Variants in NEDD1 observed in about 807,000 individuals in gnomAD.
NEDD1 encodes protein NEDD1.
In NEDD1, 33 loss-of-function variants were observed where a neutral mutation model predicts 74.0. The observed-to-expected ratio is 0.45, with a 90% CI of 0.34 to 0.60. The LOEUF (loss-of-function observed/expected upper bound fraction) is 0.60. NEDD1 is among the 20% of genes least tolerant of loss of function. The pLI, the probability that NEDD1 is intolerant of heterozygous loss-of-function variation, is 0.01. For synonymous variants in NEDD1, 250 were observed against 264.4 expected (o/e 0.95, Z 0.53); for missense variants, 746 against 776.5 (o/e 0.96, Z 0.47).
intron 6 of NEDD1, among the ~76,000 whole-genome samples, chr12:96,930,239 TCTCTCA>T (rs1463014416): frequency 2.0e-5 from 3 of 150,924 alleles, no homozygotes; most frequent in African/African-American, 7.4e-5. Context: ...TCTCTCTCTC[TCTCTCA>T]CACTCTCACA....
chr12:96,907,706 G>GT lies in NEDD1; in HGVS notation c.-158dup. The GT allele has an allele frequency of 6.4e-7, 1 of 1,551,066 alleles. No individual in the cohort carries two copies. Among genetic ancestry groups the GT allele is most frequent in the Non-Finnish European group, 8.7e-7 (1 of 1,146,756 alleles). On this transcript the variant is annotated 5_prime_UTR_variant, in exon 2 of 16. Coordinates refer to ENST00000266742, the MANE Select transcript of NEDD1 (RefSeq NM_152905.4). ...GTTGGAGAACTTTCATTTCAGCTGA[G>GT]TGGTGTAGTTGAATTGGTTCCTGTA... is the stretch of plus-strand genomic sequence containing the variant.
chr12:96,911,764 A>ATATC lies in NEDD1; in HGVS notation c.137-956_137-953dup, dbSNP rs138280236. On this transcript the variant is annotated intron_variant, in intron 3 of 15. Transcript: ENST00000266742. ...GGAAATGGTTTTTCTCGCTATGGTA[A>ATATC]TATCTAGGTAGGAATGATTTGATTT... 7.6e-3 allele frequency among the ~76,000 whole-genome samples: 1,154 copies of ATATC among 152,282 alleles called. 5 individuals carry two copies. The highest frequency in any genetic ancestry group is 0.012 in the Non-Finnish European group (818 of 68,004).
intron 4 of NEDD1, 93 bp from the exon 5 acceptor site, chr12:96,917,528 T>G: frequency 7.5e-7 from 1 of 1,325,538 alleles, no homozygotes; most frequent in Non-Finnish European, 9.8e-7. Context: ...TTAACCAATA[T>G]TTATCATATG....
At position 96,936,819 on chromosome 12, in the gene NEDD1, C is replaced by G. The variant is rs1877152170; in HGVS notation, c.921+7C>G. 10 of 1,553,416 alleles carry G rather than the reference C, an allele frequency of 6.4e-6. No homozygotes were observed. Among genetic ancestry groups the G allele is most frequent in the Non-Finnish European group, 8.8e-6 (10 of 1,131,852 alleles). Reference sequence around the variant, plus strand: ...CTCCACTGTTCTTACTAAGGTGAGACATTTTCTTTTCAGCATTTTTTATTT... The same window carrying G: ...CTCCACTGTTCTTACTAAGGTGAGAGATTTTCTTTTCAGCATTTTTTATTT... On this transcript the variant is annotated splice_region_variant and intron_variant, in intron 8 of 15. Coordinates refer to ENST00000266742, the MANE Select transcript of NEDD1 (RefSeq NM_152905.4).
intron 6 of NEDD1, among the ~76,000 whole-genome samples, chr12:96,921,775 AT>A (rs372584752): frequency 0.15 from 21,617 of 140,628 alleles, 1,806 homozygotes; most frequent in Middle Eastern, 0.26. Context: ...AGCCTGGCTA[AT>A]TTTTTTTTTT....
At chr12:96,924,414 A>G (rs1027596875) in intron 6 of NEDD1, among the ~76,000 whole-genome samples, 1 of 152,228 alleles carries the variant, frequency 6.6e-6, no homozygotes, top group Admixed American at 6.5e-5. Flanking sequence ...AACAACTACT[A>G]TCTTAACAAT....
At chr12:96,916,387 C>T (rs1383064173) in intron 4 of NEDD1, among the ~76,000 whole-genome samples, 2 of 131,168 alleles carry the variant, frequency 1.5e-5, no homozygotes, top group South Asian at 5.6e-4. Flanking sequence ...GTATATCTCC[C>T]AATGCTATCC....
intron 6 of NEDD1, among the ~76,000 whole-genome samples, chr12:96,923,409 C>T (rs1347753187): frequency 6.6e-6 from 1 of 152,076 alleles, no homozygotes; most frequent in East Asian, 1.9e-4. Flanking sequence ...GTAGCATAGG[C>T]ATACAGTTTT....
intron 6 of NEDD1, among the ~76,000 whole-genome samples, chr12:96,921,482 G>T (rs559741486): frequency 6.6e-6 from 1 of 152,194 alleles, no homozygotes; most frequent in East Asian, 1.9e-4. Context: ...CACCCAGCCA[G>T]GGTTAGTCTT....
rs144557667 is a variant in NEDD1 at position 96,945,773 on chromosome 12, C to T, written c.1735C>T (p.Arg579Trp). ...EKIADSIGNN[R>W]QNAPLTSIQI... ...AATAGCCGACAGCATTGGAAATAACCGGCAAAATGCACCATTGACTTCCAT... is the reference window on the plus strand; with the variant it reads ...AATAGCCGACAGCATTGGAAATAACTGGCAAAATGCACCATTGACTTCCAT... Residue 579 changes from arginine to tryptophan, a missense_variant, in exon 14 of 16, where the codon CGG becomes TGG. Transcript: ENST00000266742. 263 of 1,609,548 alleles carry T rather than the reference C, an allele frequency of 1.6e-4. No individual in the cohort carries two copies. Among genetic ancestry groups the T allele is most frequent in the Middle Eastern group, 4.9e-4 (3 of 6,082 alleles).
intron 4 of NEDD1, among the ~76,000 whole-genome samples, chr12:96,915,959 T>C (rs1248348745): frequency 6.6e-6 from 1 of 152,192 alleles, no homozygotes; most frequent in Non-Finnish European, 1.5e-5. Context: ...TCCCTTGAAG[T>C]GTGGTGGCAC....
Position 96,917,701 on chromosome 12 carries a change from G to A in NEDD1, c.312G>A (p.Trp104Ter). The A allele has an allele frequency of 6.4e-7, 1 of 1,553,724 alleles. No homozygotes were observed. The highest frequency in any genetic ancestry group is 8.6e-7 in the Non-Finnish European group (1 of 1,160,718). ...GCCTAAATAACACTGTTAATATTTG[G>A]GATTTAAAATCAAAAAGAGTTCATC... is the stretch of plus-strand genomic sequence containing the variant. Reference protein sequence around the residue: ...SGGLNNTVNIWDLKSKRVHRS... With the variant: ...SGGLNNTVNI Residue 104 changes from tryptophan to a stop codon, truncating the protein, a stop_gained, in exon 5 of 16, where the codon TGG becomes TGA. Coordinates refer to ENST00000266742, the MANE Select transcript of NEDD1 (RefSeq NM_152905.4). LOFTEE classifies it high-confidence loss of function.
chr12:96,908,947 C>T (rs185834446), intron 2 of NEDD1, among the ~76,000 whole-genome samples: 3 of 152,044 alleles, frequency 2.0e-5, no homozygotes, highest in Admixed American at 6.6e-5. Flanking sequence ...GAGGCTGAGG[C>T]GGGCAGATCA....
chr12:96,923,753 A>G (rs1875364853), intron 6 of NEDD1, among the ~76,000 whole-genome samples: 1 of 149,112 alleles, frequency 6.7e-6, no homozygotes, highest in South Asian at 2.1e-4. Context: ...ATCTTCCTTC[A>G]GCCATGGCTT....
chr12:96,936,777 T>C lies in NEDD1; in HGVS notation c.886T>C (p.Cys296Arg). ...CAGTGCTCACAAGACATCTGTGCAG[T>C]GTATAGCATTTCAGTACTCCACTGT... ...TISAHKTSVQ[C>R]IAFQYSTVLT... is the part of the protein sequence containing the mutation. Residue 296 changes from cysteine (C) to arginine (R), a missense_variant, in exon 8 of 16, where the codon TGT (cysteine) becomes CGT (arginine). By Grantham distance (180) the Cys-to-Arg change is radical. Around this residue, in one of 3 missense-constraint regions of NEDD1, gnomAD observed 706 missense variants for 706.7 expected, o/e 1.00. Transcript: ENST00000266742. 6.2e-7 allele frequency: 1 copy of C among 1,612,042 alleles called. No homozygotes were observed. The highest frequency in any genetic ancestry group is 8.5e-7 in the Non-Finnish European group (1 of 1,178,212).
At chr12:96,928,699 T>C (rs1875996715) in intron 6 of NEDD1, among the ~76,000 whole-genome samples, 1 of 146,982 alleles carries the variant, frequency 6.8e-6, no homozygotes, top group Non-Finnish European at 1.5e-5. Context: ...TTTTTTTTTT[T>C]TTTTTGAGGC....
At chr12:96,922,699 T>G (rs768724864) in intron 6 of NEDD1, among the ~76,000 whole-genome samples, 13 of 152,190 alleles carry the variant, frequency 8.5e-5, no homozygotes, top group Non-Finnish European at 1.5e-4. Flanking sequence ...TACAGCTTGT[T>G]GAATTTTTAT....
At chr12:96,917,583 GTTAAA>G in intron 4 of NEDD1, 33 bp from the exon 5 acceptor site, 10 of 1,475,746 alleles carry the variant, frequency 6.8e-6, no homozygotes, top group Non-Finnish European at 8.9e-6. Flanking sequence ...TCTGGGCTCT[GTTAAA>G]TTAAGGTAAC....
intron 6 of NEDD1, among the ~76,000 whole-genome samples, chr12:96,923,490 A>C (rs914271633): frequency 6.6e-6 from 1 of 152,072 alleles, no homozygotes; most frequent in Non-Finnish European, 1.5e-5. Flanking sequence ...GTTGCTCCAC[A>C]TTTTTGCTAA....
Sources: allele counts gnomAD v4.1 joint callset (sites outside exome capture counted in the v4.1 genomes callset), GRCh38; gene constraint gnomAD v4.1.1; regional missense constraint gnomAD v4.1.1; transcripts MANE v1.5; gene names NCBI Gene and HGNC (gene_info 2026-07-23, HGNC 2026-07-21).